The following PUS7 variants were observed in gnomAD, a reference collection of about 807,000 sequenced individuals.
PUS7 encodes the protein pseudouridylate synthase 7 homolog.
A neutral mutation model predicts 79.8 loss-of-function variants in PUS7; 48 were observed. The ratio of observed to expected loss-of-function variants is 0.60; its 90% confidence interval spans 0.48 to 0.76. The LOEUF is 0.76. PUS7 is among the 30% of genes least tolerant of loss of function. PUS7 has a pLI of 0.00. For missense variants in PUS7, 729 were observed against 797.6 expected (o/e 0.91, Z 1.04); for synonymous variants, 286 against 272.2 (o/e 1.05, Z -0.50).
chr7:105,464,679 G>C (rs1425505061), intron 13 of PUS7, among the ~76,000 whole-genome samples: 1 of 152,104 alleles, frequency 6.6e-6, no homozygotes, highest in Non-Finnish European at 1.5e-5. Flanking sequence ...GGCTTCCCTG[G>C]TTCTCAGGCC....
chr7:105,495,943 T>C (rs1824995142), intron 5 of PUS7, among the ~76,000 whole-genome samples: 1 of 151,938 alleles, frequency 6.6e-6, no homozygotes, highest in Admixed American at 6.6e-5. Flanking sequence ...GCGGATCACC[T>C]GAGGTCAGGA....
At chr7:105,489,294 A>G (rs1824688971) in intron 7 of PUS7, among the ~76,000 whole-genome samples, 1 of 152,094 alleles carries the variant, frequency 6.6e-6, no homozygotes, top group Non-Finnish European at 1.5e-5. Flanking sequence ...AAACAAGGCA[A>G]AAACCTTCTG....
At position 105,459,184 on chromosome 7, in the gene PUS7, T is replaced by C. The variant is rs775231398; in HGVS notation, c.1833A>G (p.Pro611=). The C allele has an allele frequency of 5.6e-6, 9 of 1,609,374 alleles. No homozygotes were observed. The South Asian group carries it at 6.6e-5, about 12-fold the overall frequency. ...TDVDNLEGKT[P]PVFASEGKYR... is the part of the protein sequence containing the mutation. ...TAAACTTACCAGAAGCAAAAACTGG[T>C]GGTGTCTTCCCTTCTAGGTTGTCCA... Residue 611 remains proline (P), a synonymous_variant, in exon 15 of 16, where the codon CCA becomes CCG. Coordinates refer to ENST00000469408, the MANE Select transcript of PUS7 (RefSeq NM_019042.5).
At chr7:105,481,405 T>C (rs1824314704) in intron 8 of PUS7, among the ~76,000 whole-genome samples, 1 of 152,204 alleles carries the variant, frequency 6.6e-6, no homozygotes, top group Non-Finnish European at 1.5e-5. Flanking sequence ...TATTAACCCA[T>C]TTATGGCAGA....
chr7:105,457,933 G>A lies in PUS7; in HGVS notation c.1850-7C>T, dbSNP rs763680173. The A allele has an allele frequency of 1.9e-5, 30 of 1,611,616 alleles. No individual in the cohort carries two copies. Among genetic ancestry groups the A allele is most frequent in the Non-Finnish European group, 2.5e-5 (30 of 1,179,072 alleles). Reference sequence around the variant, plus strand: ...AGAGCCCTGTATTTGCCTTCTGCAAGGCAAGAAAGAAAACAGTCAGAAAAT... The same window carrying A: ...AGAGCCCTGTATTTGCCTTCTGCAAAGCAAGAAAGAAAACAGTCAGAAAAT... On this transcript the variant is annotated splice_polypyrimidine_tract_variant and splice_region_variant and intron_variant, in intron 15 of 15. Transcript: ENST00000469408.
At chr7:105,521,867 T>A (rs1826131817) in intron 1 of PUS7, among the ~76,000 whole-genome samples, 185 bp downstream of exon 1, 1 of 151,012 alleles carries the variant, frequency 6.6e-6, no homozygotes, top group Non-Finnish European at 1.5e-5. Context: ...ACCCACTGGG[T>A]TCCAACCGTG....
intron 8 of PUS7, 92 bp from the exon 9 acceptor site, chr7:105,481,269 C>T (rs995643431): frequency 1.9e-6 from 2 of 1,074,530 alleles, no homozygotes; most frequent in Admixed American, 5.6e-5. Context: ...GCTTCCAAGT[C>T]TTTCGTTCAC....
In PUS7 at chr7:105,475,407, G is replaced by A. The variant is rs372688938; in HGVS notation, c.1176-3214C>T. On this transcript the variant is annotated intron_variant, in intron 9 of 15. Transcript: ENST00000469408. ...TCACTGTGTTAGCCAGGATGGTCTC[G>A]ATCTCCTGACCTTGTGATCTGCCCC... 9.9e-5 allele frequency among the ~76,000 whole-genome samples: 15 copies of A among 152,078 alleles called. No homozygotes were observed. In the East Asian group the frequency reaches 1.9e-3, roughly 20 times the overall value.
rs1825025348 is a variant in PUS7, at chr7:105,496,228, G to GAA, written c.731-976_731-975insTT. Among the ~76,000 whole-genome samples, 3 of 36,020 alleles carry GAA rather than the reference G, an allele frequency of 8.3e-5. No homozygotes were observed. In the Admixed American group the frequency reaches 1.1e-3, roughly 14 times the overall value. 23.6% of individuals were successfully genotyped at this position (36,020 alleles called of 152,430 possible). ...ATATATATATATATATATATATATA[G>GAA]AGAGAGAGAGAGAGAGAGAGAGAGA... On this transcript the variant is annotated intron_variant, in intron 5 of 15. Coordinates refer to ENST00000469408, the MANE Select transcript of PUS7 (RefSeq NM_019042.5).
At chr7:105,504,243 G>C (rs558528126) in intron 4 of PUS7, among the ~76,000 whole-genome samples, 234 of 150,618 alleles carry the variant, frequency 1.6e-3, no homozygotes, top group Non-Finnish European at 3.1e-3. Context: ...CTAATTTTTC[G>C]TATTTTTAGT....
chr7:105,496,803 C>A (rs527607935), intron 5 of PUS7, among the ~76,000 whole-genome samples: 1 of 152,252 alleles, frequency 6.6e-6, no homozygotes, highest in Admixed American at 6.5e-5. Context: ...GTGAATTCCT[C>A]ACAAGTTCTT....
chr7:105,519,337 G>A (rs181242610), intron 1 of PUS7, among the ~76,000 whole-genome samples: 87 of 151,972 alleles, frequency 5.7e-4, no homozygotes, highest in African/African-American at 2.0e-3. Context: ...GCGTTCCGGC[G>A]ATTCTCCTAC....
rs1824788482 is a variant in PUS7, at chr7:105,491,717, A to G, written c.843-100T>C. 4.4e-6 allele frequency: 3 copies of G among 684,258 alleles called. No individual in the cohort carries two copies. In the South Asian group the frequency reaches 5.8e-5, roughly 13 times the overall value. 42.4% of individuals were successfully genotyped at this position (684,258 alleles called of 1,614,324 possible). A position where few individuals can be genotyped will look rare whatever the true frequency, so the allele number is the denominator to read the frequency against. ...AAGTTTTAATATAAACATACTTACAATCATAACACAGTAAGAGAAGAATGA... is the reference window on the plus strand; with the variant it reads ...AAGTTTTAATATAAACATACTTACAGTCATAACACAGTAAGAGAAGAATGA... On this transcript the variant is annotated intron_variant, in intron 6 of 15. Transcript: ENST00000469408.
chr7:105,467,254 A>G (rs1257549714), intron 12 of PUS7, among the ~76,000 whole-genome samples: 1 of 150,880 alleles, frequency 6.6e-6, no homozygotes, highest in Non-Finnish European at 1.5e-5. Flanking sequence ...GGCATAGCAT[A>G]TACTAAATGC....
chr7:105,503,829 C>T (rs764603358), intron 4 of PUS7, among the ~76,000 whole-genome samples: 9 of 152,064 alleles, frequency 5.9e-5, no homozygotes, highest in African/African-American at 9.7e-5. Flanking sequence ...GATGGCGTTT[C>T]GCCATGTTGC....
In PUS7 at chr7:105,477,136, C is replaced by T. The variant is rs1824145763; in HGVS notation, c.1175+3916G>A. ...TTGCCTGTGCTTTTGGTCTCATATCCAAGAAACCACTGACATATCCAATAT... is the reference window on the plus strand; with the variant it reads ...TTGCCTGTGCTTTTGGTCTCATATCTAAGAAACCACTGACATATCCAATAT... On this transcript the variant is annotated intron_variant, in intron 9 of 15. Transcript: ENST00000469408. 5.3e-5 allele frequency among the ~76,000 whole-genome samples: 8 copies of T among 152,238 alleles called. No homozygotes were observed. In the South Asian group the frequency reaches 1.7e-3, roughly 32 times the overall value.
rs530083365 is a variant in PUS7 at position 105,472,150 on chromosome 7, A to G, written c.1219T>C (p.Leu407=). ...NSWTEVMDLI[L]KPRSGAEKGY... is the part of the protein sequence containing the mutation. ...TTCTCACCTCCAGAGCGGGGTTTCA[A>G]TATTAAATCCATGACTTCTGTCCAG... The change falls in exon 10 of 16, where the codon TTG becomes CTG. Residue 407 remains leucine, a synonymous_variant. Coordinates refer to ENST00000469408, the MANE Select transcript of PUS7 (RefSeq NM_019042.5). The G allele has an allele frequency of 8.8e-6, 14 of 1,599,292 alleles. No individual in the cohort carries two copies. Among genetic ancestry groups the G allele is most frequent in the Non-Finnish European group, 9.4e-6 (11 of 1,168,002 alleles).
chr7:105,486,501 C>G (rs1824555101), intron 7 of PUS7, among the ~76,000 whole-genome samples: 1 of 152,130 alleles, frequency 6.6e-6, no homozygotes, highest in African/African-American at 2.4e-5. Context: ...TGTATGGGAG[C>G]AATGGTAGAA....
At chr7:105,486,560 G>A (rs1246220875) in intron 7 of PUS7, among the ~76,000 whole-genome samples, 1 of 152,090 alleles carries the variant, frequency 6.6e-6, no homozygotes, top group Non-Finnish European at 1.5e-5. Flanking sequence ...GAATCTAGAA[G>A]CGGAGGATCA....
Sources: gnomAD v4.1 joint callset for allele counts (sites outside exome capture counted in the v4.1 genomes callset) on GRCh38, gnomAD v4.1.1 for gene constraint, MANE v1.5 for transcripts, NCBI Gene and HGNC (gene_info 2026-07-23, HGNC 2026-07-21) for gene names.